Variants in CSMD1 observed in about 807,000 individuals in gnomAD.
CSMD1 encodes CUB and Sushi multiple domains 1, also known as CUB and sushi domain-containing protein 1.
Under a neutral mutation model 417.5 loss-of-function variants are expected in CSMD1, and 213 were observed. The observed-to-expected ratio is 0.51, with a 90% CI of 0.46 to 0.57. The LOEUF is 0.57. Among genes scored for constraint, CSMD1 ranks in the 20% least tolerant of loss-of-function variants. CSMD1 has a pLI of 0.00. For synonymous variants in CSMD1, 2,862 were observed against 1,736.8 expected, an observed-to-expected ratio of 1.65 and a Z score of -16.11; for missense variants, 6,923 against 4,529.7, an observed-to-expected ratio of 1.53 and a Z score of -15.17.
At chr8:3,073,166 TTGAA>T (rs1813427389) in intron 49 of CSMD1, among the ~76,000 whole-genome samples, 2 of 152,194 alleles carry the variant, frequency 1.3e-5, no homozygotes, top group Non-Finnish European at 2.9e-5. Context: ...GGAAAATGAC[TTGAA>T]TGCATTTGAT....
chr8:4,851,991 C>T (rs2028228), intron 1 of CSMD1, among the ~76,000 whole-genome samples: 27,759 of 152,114 alleles, frequency 0.18, 3,261 homozygotes, highest in Non-Finnish European at 0.26. Context: ...GATTTAATCT[C>T]TCTCTGGACG....
chr8:4,462,125 T>C (rs574472974), intron 2 of CSMD1, among the ~76,000 whole-genome samples: 6 of 152,212 alleles, frequency 3.9e-5, no homozygotes, highest in African/African-American at 1.2e-4. Flanking sequence ...TCCTCCCACC[T>C]TGGCCTCTCA....
intron 6 of CSMD1, among the ~76,000 whole-genome samples, chr8:3,737,255 T>A (rs751690894): frequency 6.6e-6 from 1 of 152,020 alleles, no homozygotes; most frequent in African/African-American, 2.4e-5. Flanking sequence ...CGATTGGGAG[T>A]AATGGCCTAT....
chr8:4,227,925 A>G (rs1026073704), intron 3 of CSMD1, among the ~76,000 whole-genome samples: 1 of 150,298 alleles, frequency 6.7e-6, no homozygotes, highest in Non-Finnish European at 1.5e-5. Flanking sequence ...ATTAAATCCC[A>G]CACCTAGACA....
intron 21 of CSMD1, among the ~76,000 whole-genome samples, chr8:3,351,434 A>C (rs1808413771): frequency 6.6e-6 from 1 of 151,882 alleles, no homozygotes; most frequent in Admixed American, 6.6e-5. Flanking sequence ...AACATGGTGA[A>C]ATCCCGTCTC....
intron 1 of CSMD1, among the ~76,000 whole-genome samples, chr8:4,649,667 G>A (rs1364762069): frequency 6.6e-6 from 1 of 152,204 alleles, no homozygotes; most frequent in Admixed American, 6.5e-5. Flanking sequence ...TTTATAAGAA[G>A]CCATGAAACT....
intron 55 of CSMD1, among the ~76,000 whole-genome samples, chr8:2,974,916 C>A (rs530474940): frequency 1.3e-5 from 2 of 152,312 alleles, no homozygotes; most frequent in East Asian, 1.9e-4. Flanking sequence ...ATACTGCCTA[C>A]ATTTTTCCAT....
chr8:4,446,052 G>T (rs1798769503), intron 2 of CSMD1, among the ~76,000 whole-genome samples: 1 of 152,194 alleles, frequency 6.6e-6, no homozygotes, highest in Non-Finnish European at 1.5e-5. Context: ...CCCAAGAAGA[G>T]GAGACGAGGC....
chr8:4,285,549 T>A (rs1797013692), intron 3 of CSMD1, among the ~76,000 whole-genome samples: 1 of 152,192 alleles, frequency 6.6e-6, no homozygotes, highest in African/African-American at 2.4e-5. Flanking sequence ...TTTCTCTCCA[T>A]GGATGAGGGC....
At chr8:3,842,343 G>A (rs1490486948) in intron 5 of CSMD1, among the ~76,000 whole-genome samples, 1 of 152,102 alleles carries the variant, frequency 6.6e-6, no homozygotes, top group Non-Finnish European at 1.5e-5. Flanking sequence ...TTAGGTTTTA[G>A]ATACCCATAT....
chr8:3,963,802 T>TTA (rs1202393288), intron 5 of CSMD1, among the ~76,000 whole-genome samples: 1 of 152,212 alleles, frequency 6.6e-6, no homozygotes, highest in African/African-American at 2.4e-5. Context: ...AGAAACTTAA[T>TTA]ATTTTGAAAT....
chr8:4,217,505 T>G (rs796182268), intron 3 of CSMD1, among the ~76,000 whole-genome samples: 1 of 152,314 alleles, frequency 6.6e-6, no homozygotes, highest in African/African-American at 2.4e-5. Context: ...GTCCCTGGCA[T>G]CAAGGGGAGG....
chr8:2,961,344 A>G, intron 61 of CSMD1, 130 bp from the exon 62 acceptor site: 1 of 443,298 alleles, frequency 2.3e-6, no homozygotes, highest in South Asian at 4.5e-5. Flanking sequence ...GATGTTTTTC[A>G]GGAAAGTTAA....
intron 3 of CSMD1, among the ~76,000 whole-genome samples, chr8:4,366,897 T>C (rs898400828): frequency 6.6e-5 from 10 of 152,024 alleles, no homozygotes; most frequent in African/African-American, 2.2e-4. Context: ...AATAGGGTTG[T>C]TTTTCGTTTG....
chr8:3,192,680 T>C lies in CSMD1; in HGVS notation c.5195-2565A>G, dbSNP rs1347477601. Among the ~76,000 whole-genome samples the C allele has an allele frequency of 2.0e-5, 3 of 152,186 alleles. No homozygotes were observed. In the East Asian group the frequency reaches 5.8e-4, roughly 29 times the overall value. ...TTTATATTTTGAAATACAAATACAA[T>C]ATTTTAAATAATTTTGTGCATGACA... On this transcript the variant is annotated intron_variant, in intron 33 of 69. Transcript: ENST00000635120.
chr8:4,009,317 A>G (rs546600935), intron 4 of CSMD1, among the ~76,000 whole-genome samples: 1 of 152,364 alleles, frequency 6.6e-6, no homozygotes, highest in South Asian at 2.1e-4. Flanking sequence ...TTTTGTGGGT[A>G]TAAAACTTGC....
intron 1 of CSMD1, among the ~76,000 whole-genome samples, chr8:4,720,706 GCCA>G (rs1166844011): frequency 3.3e-5 from 5 of 152,140 alleles, no homozygotes; most frequent in Non-Finnish European, 7.4e-5. Context: ...ACAGGTGTGA[GCCA>G]CCACGACTGG....
chr8:3,845,786 A>G (rs1045199193), intron 5 of CSMD1, among the ~76,000 whole-genome samples: 5 of 152,074 alleles, frequency 3.3e-5, no homozygotes, highest in Admixed American at 1.3e-4. Context: ...TGTATAAAAT[A>G]TCTTATTTCT....
intron 10 of CSMD1, among the ~76,000 whole-genome samples, chr8:3,574,558 T>C (rs1425507126): frequency 6.6e-6 from 1 of 152,184 alleles, no homozygotes; most frequent in Non-Finnish European, 1.5e-5. Flanking sequence ...AAAGACAGTA[T>C]TTTTGTGTCT....
Sources: gnomAD v4.1 joint callset for allele counts (sites outside exome capture counted in the v4.1 genomes callset) on GRCh38, gnomAD v4.1.1 for gene constraint, MANE v1.5 for transcripts, NCBI Gene and HGNC (gene_info 2026-07-23, HGNC 2026-07-21) for gene names.